The following PTPRD variants were observed in gnomAD, a reference collection of about 807,000 sequenced individuals.
The protein encoded by PTPRD is protein tyrosine phosphatase receptor type D, also known as receptor-type tyrosine-protein phosphatase delta.
Under a neutral mutation model 214.5 loss-of-function variants are expected in PTPRD, and 34 were observed. The observed-to-expected ratio is 0.16, with a 90% confidence interval of 0.12 to 0.21. PTPRD has a LOEUF of 0.21. Among genes scored for constraint, PTPRD ranks in the 10% least tolerant of loss-of-function variants. The pLI is 1.00. For synonymous variants in PTPRD, 1,128 were observed against 845.7 expected (o/e 1.33, Z -5.79); for missense variants, 2,545 against 2,398.7 (o/e 1.06, Z -1.27).
intron 11 of PTPRD, among the ~76,000 whole-genome samples, chr9:8,784,794 A>G (rs1470673836): frequency 6.6e-6 from 1 of 152,140 alleles, no homozygotes; most frequent in Non-Finnish European, 1.5e-5. Context: ...GTCTGCTACT[A>G]AAAAGTTTGA....
chr9:10,189,233 C>A (rs1395467340), intron 3 of PTPRD, among the ~76,000 whole-genome samples: 1 of 152,154 alleles, frequency 6.6e-6, no homozygotes, highest in African/African-American at 2.4e-5. Context: ...GGGAATTTCA[C>A]TGTGGGAATT....
intron 5 of PTPRD, among the ~76,000 whole-genome samples, chr9:9,862,545 G>A (rs530841935): frequency 2.8e-4 from 42 of 152,276 alleles, no homozygotes; most frequent in South Asian, 1.7e-3. Context: ...TTTCTGACAT[G>A]GCAAAGGCTT....
intron 11 of PTPRD, among the ~76,000 whole-genome samples, chr9:8,877,217 G>A (rs972851945): frequency 6.6e-5 from 10 of 152,212 alleles, no homozygotes; most frequent in East Asian, 1.9e-4. Context: ...GAACCACCGC[G>A]CCCAGCCTGT....
At chr9:9,519,281 A>T (rs1289853989) in intron 8 of PTPRD, among the ~76,000 whole-genome samples, 1 of 137,536 alleles carries the variant, frequency 7.3e-6, no homozygotes, top group East Asian at 2.0e-4. Flanking sequence ...CAGTGGCCAT[A>T]TAAAAACAGG....
intron 2 of PTPRD, among the ~76,000 whole-genome samples, chr9:10,530,648 A>G (rs1258731513): frequency 6.6e-6 from 1 of 152,186 alleles, no homozygotes. Flanking sequence ...GACTATGGCA[A>G]AATAATAATT....
At chr9:9,467,447 C>T (rs1416143388) in intron 8 of PTPRD, among the ~76,000 whole-genome samples, 1 of 150,810 alleles carries the variant, frequency 6.6e-6, no homozygotes, top group African/African-American at 2.4e-5. Context: ...AATAGCAAGG[C>T]GGGGTGGCAG....
At chr9:9,976,860 T>A (rs2095374862) in intron 4 of PTPRD, among the ~76,000 whole-genome samples, 1 of 151,912 alleles carries the variant, frequency 6.6e-6, no homozygotes, top group South Asian at 2.1e-4. Flanking sequence ...ACAAGTTAAA[T>A]TTTTAAAAAA....
At chr9:9,737,214 T>C (rs1214430839) in intron 6 of PTPRD, among the ~76,000 whole-genome samples, 3 of 152,120 alleles carry the variant, frequency 2.0e-5, no homozygotes, top group African/African-American at 7.2e-5. Flanking sequence ...CTTGGCTCTG[T>C]TTCTAGACAT....
At chr9:8,573,543 C>G (rs956460006) in intron 14 of PTPRD, among the ~76,000 whole-genome samples, 2 of 151,936 alleles carry the variant, frequency 1.3e-5, no homozygotes, top group African/African-American at 4.8e-5. Flanking sequence ...AATATTAAAA[C>G]TGGCTTAAAG....
chr9:9,720,402 C>G (rs1189566356), intron 7 of PTPRD, among the ~76,000 whole-genome samples: 1 of 152,166 alleles, frequency 6.6e-6, no homozygotes, highest in Non-Finnish European at 1.5e-5. Context: ...ATTTCCATAG[C>G]TATATATGTT....
At chr9:10,015,713 AAAG>A (rs1434573294) in intron 4 of PTPRD, among the ~76,000 whole-genome samples, 2 of 152,186 alleles carry the variant, frequency 1.3e-5, no homozygotes, top group African/African-American at 4.8e-5. Context: ...GGAGTAGCAG[AAAG>A]AAGAGAAAGA....
chr9:8,580,844 A>G (rs1422447898), intron 14 of PTPRD, among the ~76,000 whole-genome samples: 1 of 152,236 alleles, frequency 6.6e-6, no homozygotes, highest in African/African-American at 2.4e-5. Flanking sequence ...GCAATGATAG[A>G]AATACTGTTT....
At chr9:9,438,215 G>T (rs1052042309) in intron 8 of PTPRD, among the ~76,000 whole-genome samples, 7 of 152,128 alleles carry the variant, frequency 4.6e-5, no homozygotes, top group Admixed American at 2.0e-4. Context: ...TAAAAGTTAG[G>T]ATTACAACAG....
chr9:8,804,875 G>C (rs985330964), intron 11 of PTPRD, among the ~76,000 whole-genome samples: 2 of 152,152 alleles, frequency 1.3e-5, no homozygotes, highest in Non-Finnish European at 2.9e-5. Flanking sequence ...GTTGACTAAT[G>C]TGATGTTTTA....
intron 2 of PTPRD, among the ~76,000 whole-genome samples, chr9:10,521,166 A>G (rs965907162): frequency 2.0e-5 from 3 of 152,066 alleles, no homozygotes; most frequent in African/African-American, 4.8e-5. Flanking sequence ...GACTCATGGG[A>G]GCAGATCACA....
chr9:10,440,941 C>G (rs1184426686), intron 2 of PTPRD, among the ~76,000 whole-genome samples: 1 of 151,742 alleles, frequency 6.6e-6, no homozygotes, highest in Non-Finnish European at 1.5e-5. Context: ...TCCCTATGTT[C>G]ACACACTTAG....
chr9:9,426,694 C>G (rs565504988), intron 8 of PTPRD, among the ~76,000 whole-genome samples: 21 of 152,226 alleles, frequency 1.4e-4, no homozygotes, highest in African/African-American at 4.6e-4. Flanking sequence ...GCTGGGTGCC[C>G]CTCTGAGACG....
At chr9:9,447,670 GA>G (rs1001366308) in intron 8 of PTPRD, among the ~76,000 whole-genome samples, 2 of 151,724 alleles carry the variant, frequency 1.3e-5, no homozygotes, top group African/African-American at 2.4e-5. Context: ...GAAATTAAAA[GA>G]AAAAAAATTT....
Position 10,303,900 on chromosome 9 carries a change from C to A in PTPRD, c.-545+37063G>T, listed in dbSNP as rs376304859. On this transcript the variant is annotated intron_variant, in intron 3 of 45. Coordinates refer to ENST00000381196, the MANE Select transcript of PTPRD (RefSeq NM_002839.4). ...GCAACAAAAAAAGATGGAATCCTCC[C>A]TAACTTATTTTATGAGGCCAGCATC... Among the ~76,000 whole-genome samples the A allele has an allele frequency of 7.8e-4, 118 of 152,194 alleles. 2 individuals are homozygous for A. In the South Asian group the frequency reaches 0.022, roughly 28 times the overall value.
Sources: gnomAD v4.1 joint callset for allele counts (sites outside exome capture counted in the v4.1 genomes callset) on GRCh38, gnomAD v4.1.1 for gene constraint, MANE v1.5 for transcripts, NCBI Gene and HGNC (gene_info 2026-07-23, HGNC 2026-07-21) for gene names.